Variants in PLPPR1 observed in about 807,000 individuals in gnomAD.
PLPPR1 encodes the protein phospholipid phosphatase related 1, also known as phospholipid phosphatase-related protein type 1.
In PLPPR1, 10 loss-of-function variants were observed where a neutral mutation model predicts 33.1. The ratio of observed to expected loss-of-function variants is 0.30; its 90% confidence interval spans 0.19 to 0.51. PLPPR1 has a LOEUF of 0.51. PLPPR1 is among the 20% of genes least tolerant of loss of function. PLPPR1 has a pLI of 0.97. For synonymous variants in PLPPR1, 151 were observed against 151.0 expected (o/e 1.00, Z 0.00); for missense variants, 304 against 408.1 (o/e 0.74, Z 2.20).
At chr9:101,100,680 C>T (rs538589444) in intron 1 of PLPPR1, among the ~76,000 whole-genome samples, 1 of 146,740 alleles carries the variant, frequency 6.8e-6, no homozygotes, top group African/African-American at 2.6e-5. Context: ...TCATCAGAAA[C>T]TATTTACTCT....
At chr9:101,212,340 C>T (rs1826706009) in intron 2 of PLPPR1, among the ~76,000 whole-genome samples, 2 of 152,126 alleles carry the variant, frequency 1.3e-5, no homozygotes, top group South Asian at 4.1e-4. Context: ...GCCTCAGACT[C>T]CCAAAGTGCT....
At chr9:101,183,582 T>C (rs546788085) in intron 1 of PLPPR1, among the ~76,000 whole-genome samples, 3 of 151,782 alleles carry the variant, frequency 2.0e-5, no homozygotes, top group East Asian at 3.9e-4. Flanking sequence ...AACTATCTTA[T>C]GGGAAAGTTG....
intron 2 of PLPPR1, among the ~76,000 whole-genome samples, chr9:101,243,635 A>T (rs1464892484): frequency 6.6e-6 from 1 of 151,936 alleles, no homozygotes; most frequent in Non-Finnish European, 1.5e-5. Flanking sequence ...TATGGTTCAG[A>T]TTGGAAAATC....
chr9:101,232,725 G>GA (rs1827216134), intron 2 of PLPPR1, among the ~76,000 whole-genome samples: 2 of 151,796 alleles, frequency 1.3e-5, no homozygotes, highest in African/African-American at 2.4e-5. Flanking sequence ...AATTATACCA[G>GA]CATTTCAACC....
At chr9:101,067,021 A>G (rs1830426959) in intron 1 of PLPPR1, among the ~76,000 whole-genome samples, 1 of 152,072 alleles carries the variant, frequency 6.6e-6, no homozygotes. Flanking sequence ...GAGAATTCTC[A>G]TATGTTAAAT....
At chr9:101,208,822 G>C (rs1826634714) in intron 2 of PLPPR1, among the ~76,000 whole-genome samples, 1 of 152,090 alleles carries the variant, frequency 6.6e-6, no homozygotes, top group Non-Finnish European at 1.5e-5. Flanking sequence ...AGATCATACT[G>C]GCCACTTCCA....
intron 4 of PLPPR1, among the ~76,000 whole-genome samples, chr9:101,294,152 C>G (rs979663859): frequency 4.6e-5 from 7 of 152,048 alleles, no homozygotes; most frequent in African/African-American, 1.4e-4. Flanking sequence ...TACAAACTAT[C>G]ATCAGAGAAT....
chr9:101,318,797 C>CA (rs927020778), intron 7 of PLPPR1, among the ~76,000 whole-genome samples: 46 of 151,208 alleles, frequency 3.0e-4, no homozygotes, highest in African/African-American at 9.2e-4. Context: ...AACAAACAAA[C>CA]AAAAAAAACA....
At chr9:101,279,789 A>T (rs55816789) in intron 3 of PLPPR1, among the ~76,000 whole-genome samples, 1 of 152,118 alleles carries the variant, frequency 6.6e-6, no homozygotes, top group South Asian at 2.1e-4. Flanking sequence ...AACATACCAA[A>T]GTGGATGGAA....
At position 101,298,630 on chromosome 9, in the gene PLPPR1, G is replaced by A. The variant is rs369602311; in HGVS notation, c.386-10581G>A. ...AGTATTTATAGTTAAAATACAGCTG[G>A]GGGGCCGGTCATGTTCATTCAACCT... is the stretch of plus-strand genomic sequence containing the variant. On this transcript the variant is annotated intron_variant, in intron 4 of 7. Transcript: ENST00000374874. 5.1e-4 allele frequency among the ~76,000 whole-genome samples: 78 copies of A among 151,986 alleles called. No homozygotes were observed. In the South Asian group the frequency reaches 8.1e-3, roughly 16 times the overall value.
At chr9:101,136,833 T>C (rs1028069263) in intron 1 of PLPPR1, among the ~76,000 whole-genome samples, 12 of 151,888 alleles carry the variant, frequency 7.9e-5, no homozygotes, top group African/African-American at 2.9e-4. Context: ...TGGACAGGGG[T>C]GAGAGATGTG....
chr9:101,161,431 T>A (rs1831771729), intron 1 of PLPPR1, among the ~76,000 whole-genome samples: 1 of 152,174 alleles, frequency 6.6e-6, no homozygotes, highest in African/African-American at 2.4e-5. Flanking sequence ...TCCTTGTATT[T>A]TAGTGTGTGT....
chr9:101,035,616 C>T (rs1392920847), intron 1 of PLPPR1, among the ~76,000 whole-genome samples: 3 of 152,106 alleles, frequency 2.0e-5, no homozygotes, highest in Admixed American at 2.0e-4. Context: ...CTATGTGTTT[C>T]AGTAGTCCCC....
At chr9:101,166,656 ATAT>A (rs934213065) in intron 1 of PLPPR1, among the ~76,000 whole-genome samples, 18 of 152,334 alleles carry the variant, frequency 1.2e-4, no homozygotes, top group African/African-American at 4.1e-4. Context: ...AACTCCAGAA[ATAT>A]TATAGTGTTA....
At chr9:101,252,200 T>C (rs1244009532) in intron 2 of PLPPR1, among the ~76,000 whole-genome samples, 1 of 152,158 alleles carries the variant, frequency 6.6e-6, no homozygotes, top group African/African-American at 2.4e-5. Context: ...ACTAGCCACA[T>C]TTCAAGTGCT....
intron 3 of PLPPR1, among the ~76,000 whole-genome samples, chr9:101,281,905 A>C (rs367554750): frequency 1.3e-5 from 2 of 152,152 alleles, no homozygotes; most frequent in East Asian, 1.9e-4. Context: ...ATTCCAAACA[A>C]ACTAGGTGAT....
At chr9:101,115,684 C>T (rs2987748) in intron 1 of PLPPR1, among the ~76,000 whole-genome samples, 76,152 of 151,960 alleles carry the variant, frequency 0.5, 19,389 homozygotes, top group African/African-American at 0.58. Context: ...TGTATTATGC[C>T]TTTATCATAT....
At position 101,316,410 on chromosome 9, in the gene PLPPR1, C is replaced by T. The variant is rs566651122; in HGVS notation, c.814-955C>T. Among the ~76,000 whole-genome samples the T allele has an allele frequency of 2.0e-5, 3 of 151,426 alleles. No individual in the cohort carries two copies. In the South Asian group the frequency reaches 6.3e-4, roughly 32 times the overall value. On this transcript the variant is annotated intron_variant, in intron 6 of 7. Transcript: ENST00000374874. ...CGAGATCGTACGACTGCACTCCAGC[C>T]TGGGTGACAGAGTGAGACTCTGTCT...
At chr9:101,112,771 C>T (rs1831072412) in intron 1 of PLPPR1, among the ~76,000 whole-genome samples, 1 of 152,190 alleles carries the variant, frequency 6.6e-6, no homozygotes. Context: ...TGTGAAACAT[C>T]TGAGCAGGTG....
Sources: gnomAD v4.1 joint callset for allele counts (sites outside exome capture counted in the v4.1 genomes callset) on GRCh38, gnomAD v4.1.1 for gene constraint, MANE v1.5 for transcripts, NCBI Gene and HGNC (gene_info 2026-07-23, HGNC 2026-07-21) for gene names.